The following ATF7 variants were observed in gnomAD, a reference collection of about 807,000 sequenced individuals.
ATF7 encodes cyclic AMP-dependent transcription factor ATF-7.
Under a neutral mutation model 50.4 loss-of-function variants are expected in ATF7, and 10 were observed. That is an observed-to-expected ratio of 0.20 (90% CI 0.12 to 0.34). ATF7 has a LOEUF of 0.34. Ranked by LOEUF, ATF7 falls within the 10% of genes least tolerant of loss-of-function variation. The pLI, the probability that ATF7 is intolerant of heterozygous loss-of-function variation, is 1.00. For missense variants in ATF7, 465 were observed against 613.9 expected (o/e 0.76, Z 2.56); for synonymous variants, 201 against 226.4 (o/e 0.89, Z 1.01).
intron 2 of ATF7, among the ~76,000 whole-genome samples, chr12:53,598,082 G>C (rs1414461587): frequency 6.6e-6 from 1 of 152,290 alleles, no homozygotes; most frequent in Non-Finnish European, 1.5e-5. Context: ...CCATTCTCAA[G>C]GGATATTAAG....
intron 2 of ATF7, among the ~76,000 whole-genome samples, chr12:53,583,063 T>TC (rs1942512756): frequency 6.6e-6 from 1 of 152,154 alleles, no homozygotes; most frequent in African/African-American, 2.4e-5. Flanking sequence ...GACACATGCT[T>TC]TATAGCCTTC....
At chr12:53,548,997 C>G (rs144095499) in intron 3 of ATF7, among the ~76,000 whole-genome samples, 1 of 151,240 alleles carries the variant, frequency 6.6e-6, no homozygotes, top group Non-Finnish European at 1.5e-5. Flanking sequence ...AAAAATACCC[C>G]CCAAAACGGC....
downstream of ATF7, among the ~76,000 whole-genome samples, chr12:53,511,701 C>T (rs1469208018): frequency 1.3e-5 from 2 of 152,202 alleles, no homozygotes; most frequent in East Asian, 3.8e-4. Flanking sequence ...GGCAACAAAA[C>T]ACTGAAAAGT....
rs1043759784 is a variant in ATF7, at chr12:53,592,007, C to T, written c.48+8946G>A. On this transcript the variant is annotated intron_variant, in intron 2 of 11. Transcript: ENST00000420353. ...GGATTTAAAGACAGAGCTATGTTTGCTCAAAATCTGACATCGCTGATGTGA... is the reference window on the plus strand; with the variant it reads ...GGATTTAAAGACAGAGCTATGTTTGTTCAAAATCTGACATCGCTGATGTGA... Among the ~76,000 whole-genome samples the T allele has an allele frequency of 2.0e-5, 3 of 151,830 alleles. No homozygotes were observed. In the South Asian group the frequency reaches 6.2e-4, roughly 31 times the overall value.
At chr12:53,611,776 TAG>T (rs1030574410) in intron 1 of ATF7, among the ~76,000 whole-genome samples, 1 of 152,022 alleles carries the variant, frequency 6.6e-6, no homozygotes, top group Non-Finnish European at 1.5e-5. Flanking sequence ...CAATTTTTAG[TAG>T]AGACAGGTTT....
At chr12:53,527,614 C>T (rs1416936792) in intron 9 of ATF7, among the ~76,000 whole-genome samples, 2 of 151,968 alleles carry the variant, frequency 1.3e-5, no homozygotes, top group Admixed American at 1.3e-4. Context: ...TGAAATCCCA[C>T]CTCTACTAAA....
intron 4 of ATF7, among the ~76,000 whole-genome samples, chr12:53,542,351 T>G (rs1592827909): frequency 6.6e-6 from 1 of 151,138 alleles, no homozygotes; most frequent in Non-Finnish European, 1.5e-5. Context: ...GGCGTGAACC[T>G]GGGAGGCGGA....
chr12:53,571,654 G>A (rs1941771455), intron 2 of ATF7, among the ~76,000 whole-genome samples: 1 of 149,612 alleles, frequency 6.7e-6, no homozygotes. Context: ...AAAAAAAAAA[G>A]GGAGCAGGGA....
chr12:53,517,054 C>T lies in ATF7; in HGVS notation c.*83G>A, dbSNP rs1355206236. On this transcript the variant is annotated 3_prime_UTR_variant, in exon 12 of 12. Coordinates refer to ENST00000420353, the MANE Select transcript of ATF7 (RefSeq NM_006856.3). ...CCCACCCATATTGCCATGTCCAAGGCAGATGGGAGGGGATAAGATGACATC... is the reference window on the plus strand; with the variant it reads ...CCCACCCATATTGCCATGTCCAAGGTAGATGGGAGGGGATAAGATGACATC... The T allele has an allele frequency of 1.4e-6, 2 of 1,446,514 alleles. No homozygotes were observed. Among genetic ancestry groups the T allele is most frequent in the East Asian group, 4.5e-5 (2 of 43,990 alleles). 89.6% of individuals were successfully genotyped at this position (1,446,514 alleles called of 1,614,324 possible).
At chr12:53,557,608 CT>C (rs1940832815) in intron 2 of ATF7, among the ~76,000 whole-genome samples, 1 of 152,214 alleles carries the variant, frequency 6.6e-6, no homozygotes, top group African/African-American at 2.4e-5. Context: ...CTTGCCCTCA[CT>C]GTAGGGTAAA....
rs368518238 is a variant in ATF7 at position 53,618,703 on chromosome 12, T to TTG, written c.-22+7574_-22+7575dup. ...AATAAACTACAATTATAAATGGCAA[T>TTG]TGTGTGTGTGTGTGTGTGTTTATAG... is the stretch of plus-strand genomic sequence containing the variant. On this transcript the variant is annotated intron_variant, in intron 1 of 11. Transcript: ENST00000420353. Among the ~76,000 whole-genome samples, 258 of 102,488 alleles carry TTG rather than the reference T, an allele frequency of 2.5e-3. 1 individual carries two copies. The highest frequency in any genetic ancestry group is 6.6e-3 in the African/African-American group (219 of 33,408). The allele number at this position is 102,488 out of a possible 152,430, so 67.2% of individuals were successfully genotyped here.
intron 3 of ATF7, chr12:53,543,741 C>CAACAA (rs1939711064): frequency 3.1e-6 from 1 of 327,334 alleles, no homozygotes; most frequent in Non-Finnish European, 5.6e-6. Context: ...CGTTTACCTC[C>CAACAA]AACCAAACCA....
At chr12:53,565,575 C>T (rs1045149402) in intron 2 of ATF7, among the ~76,000 whole-genome samples, 1 of 152,092 alleles carries the variant, frequency 6.6e-6, no homozygotes, top group Admixed American at 6.6e-5. Context: ...TAACTGCAAC[C>T]TCTGCCTCCC....
At chr12:53,572,050 G>C (rs1941795357) in intron 2 of ATF7, among the ~76,000 whole-genome samples, 1 of 151,424 alleles carries the variant, frequency 6.6e-6, no homozygotes, top group South Asian at 2.1e-4. Flanking sequence ...CTGGGATACA[G>C]AGCCAGACTC....
chr12:53,571,673 C>G (rs1030472746), intron 2 of ATF7, among the ~76,000 whole-genome samples: 5 of 150,970 alleles, frequency 3.3e-5, no homozygotes, highest in Non-Finnish European at 5.9e-5. Context: ...GAGACAAATC[C>G]GCACTGAAAT....
At chr12:53,574,061 T>A (rs1941921296) in intron 2 of ATF7, among the ~76,000 whole-genome samples, 2 of 152,180 alleles carry the variant, frequency 1.3e-5, no homozygotes, top group African/African-American at 4.8e-5. Flanking sequence ...CAGAAAATTG[T>A]AAGTCATATT....
At chr12:53,534,286 C>CA (rs935506777) in intron 6 of ATF7, among the ~76,000 whole-genome samples, 46 of 150,632 alleles carry the variant, frequency 3.1e-4, no homozygotes, top group Admixed American at 1.8e-3. Flanking sequence ...CAAAAAAACC[C>CA]AAAAAAAACA....
At chr12:53,567,185 A>T in intron 2 of ATF7, among the ~76,000 whole-genome samples, 1 of 152,238 alleles carries the variant, frequency 6.6e-6, no homozygotes, top group East Asian at 1.9e-4. Flanking sequence ...TATACAAGAA[A>T]TTATTTTATT....
intron 2 of ATF7, among the ~76,000 whole-genome samples, chr12:53,587,843 A>ATATATATATATATAT: frequency 1.4e-3 from 84 of 61,542 alleles, no homozygotes; most frequent in Middle Eastern, 0.023. Flanking sequence ...ATATATATAT[A>ATATATATATATATAT]TTTTTTTTTT....
Sources: gnomAD v4.1 joint callset for allele counts (sites outside exome capture counted in the v4.1 genomes callset) on GRCh38, gnomAD v4.1.1 for gene constraint, MANE v1.5 for transcripts, NCBI Gene and HGNC (gene_info 2026-07-23, HGNC 2026-07-21) for gene names.